DPP6: variants seen among roughly 807,000 people sequenced by gnomAD.
DPP6 encodes A-type potassium channel modulatory protein DPP6.
Under a neutral mutation model 122.6 loss-of-function variants are expected in DPP6, and 69 were observed. The ratio of observed to expected loss-of-function variants is 0.56; its 90% CI spans 0.46 to 0.69. The LOEUF is 0.69. Among genes scored for constraint, DPP6 ranks in the 30% least tolerant of loss-of-function variants. The probability of loss-of-function intolerance (pLI) is 0.00; values close to 1 mark genes in which losing one functional copy is unlikely to be tolerated. For missense variants in DPP6, 928 were observed against 1,116.9 expected (o/e 0.83, Z 2.41); for synonymous variants, 418 against 433.1 (o/e 0.97, Z 0.43).
At chr7:153,798,998 A>G in the DPP6 span, among the ~76,000 whole-genome samples, 2 of 152,212 alleles carry the variant, frequency 1.3e-5, no homozygotes, top group African/African-American at 2.4e-5. Flanking sequence ...AATGTGAGCA[A>G]TGGGGAGTGG....
the DPP6 span, among the ~76,000 whole-genome samples, chr7:153,840,747 A>G: frequency 2.6e-5 from 4 of 152,252 alleles, no homozygotes; most frequent in Admixed American, 6.5e-5. Flanking sequence ...CAAATAATTC[A>G]TGGAAAAAGA....
At chr7:153,984,228 TTA>T (rs1796731952) in intron 1 of DPP6, among the ~76,000 whole-genome samples, 1 of 152,216 alleles carries the variant, frequency 6.6e-6, no homozygotes, top group Admixed American at 6.5e-5. Flanking sequence ...CTATTTCTCC[TTA>T]TGTCTGTGAT....
chr7:154,492,725 A>G lies in DPP6; in HGVS notation c.457+17688A>G, dbSNP rs546064641. Among the ~76,000 whole-genome samples the G allele has an allele frequency of 7.9e-5, 12 of 152,310 alleles. No individual in the cohort carries two copies. The South Asian group carries it at 2.1e-3, about 26-fold the overall frequency. On this transcript the variant is annotated intron_variant, in intron 3 of 25. Coordinates refer to ENST00000377770, the MANE Select transcript of DPP6 (RefSeq NM_130797.4). ...TGGCTAGTGTCATAAGAGAGCAGAT[A>G]TGACTTCAGGCTTGTCTGTCTCCAA... is the stretch of plus-strand genomic sequence containing the variant.
At chr7:154,484,093 T>C (rs1483933992) in intron 3 of DPP6, among the ~76,000 whole-genome samples, 1 of 152,184 alleles carries the variant, frequency 6.6e-6, no homozygotes, top group Non-Finnish European at 1.5e-5. Context: ...TTTAGGCCTT[T>C]TAACTTACTT....
chr7:153,861,115 A>G, the DPP6 span, among the ~76,000 whole-genome samples: 3 of 152,208 alleles, frequency 2.0e-5, no homozygotes, highest in Admixed American at 6.5e-5. Flanking sequence ...AATCATATTT[A>G]GGCAATTAGA....
chr7:154,359,990 G>T (rs1048368178), intron 1 of DPP6, among the ~76,000 whole-genome samples: 1 of 152,162 alleles, frequency 6.6e-6, no homozygotes, highest in Non-Finnish European at 1.5e-5. Context: ...CCGGAGGACC[G>T]CATGCAGGGG....
chr7:154,078,946 C>CA (rs67950621), intron 1 of DPP6, among the ~76,000 whole-genome samples: 4,825 of 111,986 alleles, frequency 0.043, 74 homozygotes, highest in East Asian at 0.061. Context: ...CATTCTTTTC[C>CA]AAAAAAAAAA....
At chr7:154,031,109 C>T (rs916822491) in intron 1 of DPP6, among the ~76,000 whole-genome samples, 4 of 152,092 alleles carry the variant, frequency 2.6e-5, no homozygotes, top group Non-Finnish European at 5.9e-5. Flanking sequence ...TGACCATTAT[C>T]CCCCAGGGCG....
chr7:154,263,490 G>T (rs1803168527), intron 1 of DPP6, among the ~76,000 whole-genome samples: 1 of 152,198 alleles, frequency 6.6e-6, no homozygotes, highest in African/African-American at 2.4e-5. Flanking sequence ...TTAGAATATT[G>T]GATGGAAGGA....
chr7:153,992,298 A>G (rs1159137031), intron 1 of DPP6, among the ~76,000 whole-genome samples: 1 of 152,170 alleles, frequency 6.6e-6, no homozygotes, highest in African/African-American at 2.4e-5. Context: ...TTTTATCAAC[A>G]ATAACTTACT....
At chr7:154,641,019 A>C (rs977290338) in intron 6 of DPP6, among the ~76,000 whole-genome samples, 1 of 152,036 alleles carries the variant, frequency 6.6e-6, no homozygotes, top group Non-Finnish European at 1.5e-5. Context: ...TAATGTTCTC[A>C]TGCCCTCTGA....
chr7:153,776,874 C>T, the DPP6 span, among the ~76,000 whole-genome samples: 1 of 152,066 alleles, frequency 6.6e-6, no homozygotes, highest in Admixed American at 6.5e-5. Flanking sequence ...ACATCAAAAG[C>T]AATATTCGTA....
intron 1 of DPP6, among the ~76,000 whole-genome samples, chr7:153,926,354 A>G (rs1003071525): frequency 2.6e-5 from 4 of 152,202 alleles, no homozygotes; most frequent in Non-Finnish European, 5.9e-5. Context: ...GGAGAAAACA[A>G]TTTTGAAGCC....
the DPP6 span, among the ~76,000 whole-genome samples, chr7:153,754,735 C>T: frequency 3.6e-4 from 55 of 152,262 alleles, no homozygotes; most frequent in African/African-American, 1.2e-3. Context: ...TTTTCTCTCT[C>T]TTTTTCAGAT....
intron 3 of DPP6, among the ~76,000 whole-genome samples, chr7:154,489,974 C>T (rs1288620434): frequency 6.6e-6 from 1 of 152,168 alleles, no homozygotes; most frequent in Non-Finnish European, 1.5e-5. Flanking sequence ...CACATTCTTA[C>T]ACAGGACAAC....
intron 1 of DPP6, among the ~76,000 whole-genome samples, chr7:154,017,478 A>C (rs945772406): frequency 6.6e-5 from 10 of 151,888 alleles, no homozygotes; most frequent in African/African-American, 2.4e-4. Flanking sequence ...GGATTGTTTG[A>C]GGTCAGGAGT....
intron 7 of DPP6, among the ~76,000 whole-genome samples, chr7:154,710,488 C>T (rs1841113272): frequency 6.6e-6 from 1 of 152,216 alleles, no homozygotes; most frequent in African/African-American, 2.4e-5. Context: ...GTAATCCTAA[C>T]TTGCTGTTAT....
chr7:154,365,336 A>T (rs1040399581), intron 1 of DPP6, among the ~76,000 whole-genome samples: 2 of 152,216 alleles, frequency 1.3e-5, no homozygotes, highest in Non-Finnish European at 2.9e-5. Context: ...AACCACAATC[A>T]TGATACGGAT....
At chr7:154,238,576 A>G (rs1801370608) in intron 1 of DPP6, among the ~76,000 whole-genome samples, 1 of 152,164 alleles carries the variant, frequency 6.6e-6, no homozygotes, top group Non-Finnish European at 1.5e-5. Context: ...GCAAACCAAG[A>G]TAGCCACTGC....
Sources: gnomAD v4.1 joint callset for allele counts (sites outside exome capture counted in the v4.1 genomes callset) on GRCh38, gnomAD v4.1.1 for gene constraint, MANE v1.5 for transcripts, NCBI Gene and HGNC (gene_info 2026-07-23, HGNC 2026-07-21) for gene names.